The following ZNF12 variants were observed in gnomAD, a reference collection of about 807,000 sequenced individuals.
ZNF12 encodes gonadotropin inducible transcription repressor 3.
In ZNF12, 34 loss-of-function variants were observed where a neutral mutation model predicts 66.6. The ratio of observed to expected loss-of-function variants is 0.51; its 90% CI spans 0.39 to 0.68. ZNF12 has a LOEUF of 0.68. ZNF12 is among the 30% of genes least tolerant of loss of function. The pLI is 0.00. For missense variants in ZNF12, 697 were observed against 826.9 expected (o/e 0.84, Z 1.93); for synonymous variants, 320 against 278.9 (o/e 1.15, Z -1.47).
intron 2 of ZNF12, among the ~76,000 whole-genome samples, chr7:6,702,375 C>G (rs1273117007): frequency 6.7e-6 from 1 of 150,328 alleles, no homozygotes; most frequent in Non-Finnish European, 1.5e-5. Context: ...GATTCATCTC[C>G]CAAACTCCAC....
intron 2 of ZNF12, among the ~76,000 whole-genome samples, chr7:6,699,899 A>T (rs986702303): frequency 1.3e-5 from 2 of 152,228 alleles, no homozygotes; most frequent in Admixed American, 1.3e-4. Flanking sequence ...TATATCTATG[A>T]CTACAATAAG....
At position 6,692,591 on chromosome 7, in the gene ZNF12, A is replaced by G. The variant is rs1780090508; in HGVS notation, c.351T>C (p.Pro117=). ...TCGTTTCTACATCAAAAGTTTTACC[A>G]GGAACATTACCTCTCTCTTCAATCA... is the stretch of plus-strand genomic sequence containing the variant. ...ETLIEERGNV[P]GKTFDVETNP... Residue 117 remains proline, a synonymous_variant, in exon 5 of 5, where the codon CCT becomes CCC. Transcript: ENST00000405858. The surrounding 1 kb of genome is among the most constrained non-coding windows in gnomAD (Gnocchi z 5.1). 1 of 1,613,802 alleles carries G rather than the reference A, an allele frequency of 6.2e-7. No homozygotes were observed. The highest frequency in any genetic ancestry group is 1.3e-5 in the African/African-American group (1 of 74,936).
chr7:6,701,421 C>G (rs771824472), intron 2 of ZNF12, among the ~76,000 whole-genome samples: 4 of 152,156 alleles, frequency 2.6e-5, no homozygotes, highest in Non-Finnish European at 5.9e-5. Flanking sequence ...CCTGAAGCCC[C>G]AGAACAGCAG....
In ZNF12 at chr7:6,698,424, C is replaced by A. The variant is rs1354721083; in HGVS notation, c.16-613G>T. 3.3e-5 allele frequency among the ~76,000 whole-genome samples: 5 copies of A among 152,154 alleles called. No homozygotes were observed. The highest frequency in any genetic ancestry group is 2.6e-4 in the Admixed American group (4 of 15,278). ...CAGTCCAGGCCTCTCTCCTAAATTC[C>A]AGACACATATGTCCCAGATGGCAAA... On this transcript the variant is annotated intron_variant, in intron 2 of 4. Coordinates refer to ENST00000405858, the MANE Select transcript of ZNF12 (RefSeq NM_016265.4). The surrounding 1 kb of genome is among the most constrained non-coding windows in gnomAD (Gnocchi z 4.4).
rs6952107 is a variant in ZNF12, at chr7:6,706,848, C to T, written c.-467G>A. 427 of 363,234 alleles carry T rather than the reference C, an allele frequency of 1.2e-3. 1 individual carries two copies. The highest frequency in any genetic ancestry group is 8.9e-3 in the African/African-American group (394 of 44,304). The allele number at this position is 363,234 out of a possible 1,614,324, so 22.5% of individuals were successfully genotyped here. A position where few individuals can be genotyped will look rare whatever the true frequency, so the allele number is the denominator to read the frequency against. On this transcript the variant is annotated 5_prime_UTR_variant, in exon 1 of 5. Coordinates refer to ENST00000405858, the MANE Select transcript of ZNF12 (RefSeq NM_016265.4). ...CTTGGGTGCCGGCCCGGCTCTTCGG[C>T]GCCCAGCCCCGCAGGCTCCGCGATT...
At chr7:6,702,392 AC>A (rs1780263553) in intron 2 of ZNF12, among the ~76,000 whole-genome samples, 1 of 147,394 alleles carries the variant, frequency 6.8e-6, no homozygotes, top group African/African-American at 2.6e-5. Flanking sequence ...CCACACACAC[AC>A]ACACAACCAG....
intron 4 of ZNF12, among the ~76,000 whole-genome samples, chr7:6,693,092 G>A (rs1243226156): frequency 6.6e-6 from 1 of 152,236 alleles, no homozygotes; most frequent in African/African-American, 2.4e-5. Context: ...GTTGGACAAG[G>A]AGGGTCATAA....
At chr7:6,700,536 T>C (rs953304241) in intron 2 of ZNF12, among the ~76,000 whole-genome samples, 1 of 152,278 alleles carries the variant, frequency 6.6e-6, no homozygotes, top group Admixed American at 6.5e-5. Flanking sequence ...CTGTCTAGCA[T>C]CTCAGCTAGA....
At chr7:6,703,843 G>C (rs1454808648) in intron 2 of ZNF12, among the ~76,000 whole-genome samples, 1 of 152,248 alleles carries the variant, frequency 6.6e-6, no homozygotes, top group African/African-American at 2.4e-5. Flanking sequence ...GCAAACTGCA[G>C]AGTGGGCCAA....
rs1780170130 is a variant in ZNF12, at chr7:6,697,394, C to T, written c.183G>A (p.Glu61=). 4 of 1,612,474 alleles carry T rather than the reference C, an allele frequency of 2.5e-6. No individual in the cohort carries two copies. Among genetic ancestry groups the T allele is most frequent in the South Asian group, 2.2e-5 (2 of 90,674 alleles). The change falls in exon 4 of 5, where the codon GAG becomes GAA. Residue 61 remains glutamate, a synonymous_variant. Transcript: ENST00000405858. This position sits in a 1 kb window ranked among gnomAD's most constrained non-coding sequence, Gnocchi z 6.1. ...IIKPDVISKL[E]QGEEPWIVEG... ...CTACTATCCATGGCTCTTCTCCTTG[C>T]TCCAACTTGCTGATAACATCCGGTT... is the stretch of plus-strand genomic sequence containing the variant.
At chr7:6,699,265 C>T (rs910068763) in intron 2 of ZNF12, among the ~76,000 whole-genome samples, 6 of 152,202 alleles carry the variant, frequency 3.9e-5, no homozygotes, top group Non-Finnish European at 5.9e-5. Context: ...CTGATGTTGA[C>T]TGAACACCTT....
intron 4 of ZNF12, among the ~76,000 whole-genome samples, chr7:6,695,400 T>C (rs1366923269): frequency 1.3e-5 from 2 of 152,176 alleles, no homozygotes; most frequent in Admixed American, 6.5e-5. Flanking sequence ...TTTCTTTTTT[T>C]TGTAGAGACA....
intron 4 of ZNF12, among the ~76,000 whole-genome samples, chr7:6,693,285 A>T (rs559195906): frequency 6.6e-6 from 1 of 152,220 alleles, no homozygotes; most frequent in African/African-American, 2.4e-5. Context: ...CTCATTCCAC[A>T]TAGTAGAATA....
Position 6,700,202 on chromosome 7 carries a change from G to A in ZNF12, c.16-2391C>T, listed in dbSNP as rs569111849. ...CGGGAGGCTGAGGCAGGAAAATGGC[G>A]TGAACCCGGGAGGTGGAGCTTGCAG... is the stretch of plus-strand genomic sequence containing the variant. On this transcript the variant is annotated intron_variant, in intron 2 of 4. Transcript: ENST00000405858. Among the ~76,000 whole-genome samples, 220 of 151,476 alleles carry A rather than the reference G, an allele frequency of 1.5e-3. 1 individual carries two copies. The highest frequency in any genetic ancestry group is 5.0e-3 in the African/African-American group (206 of 41,236).
rs1408015883 is a variant in ZNF12, at chr7:6,691,426, A to T, written c.1516T>A (p.Ser506Thr). 1 of 1,614,030 alleles carries T rather than the reference A, an allele frequency of 6.2e-7. No homozygotes were observed. The highest frequency in any genetic ancestry group is 8.5e-7 in the Non-Finnish European group (1 of 1,179,942). Residue 506 changes from serine (S) to threonine (T), a missense_variant, in exon 5 of 5, where the codon TCA becomes ACA. Physicochemically the swap from Ser to Thr is moderately conservative, Grantham distance 58. Transcript: ENST00000405858. Reference protein sequence around the residue: ...NECGKLFSQLSYLTIHHRTHS... With the variant: ...NECGKLFSQLTYLTIHHRTHS... ...GTTCTATGATGGATAGTGAGGTATG[A>T]CAACTGGGAGAATAACTTTCCACAT...
Position 6,692,080 on chromosome 7 carries a change from G to C in ZNF12, c.862C>G (p.Gln288Glu). The change falls in exon 5 of 5, where the codon CAG (glutamine) becomes GAG (glutamate). Residue 288 changes from glutamine (Q) to glutamate (E), a missense_variant. Around this residue, in one of 3 missense-constraint regions of ZNF12, gnomAD observed 401 missense variants for 519.0 expected, o/e 0.77. Coordinates refer to ENST00000405858, the MANE Select transcript of ZNF12 (RefSeq NM_016265.4). This position sits in a 1 kb window ranked among gnomAD's most constrained non-coding sequence, Gnocchi z 5.1. ...GGTTTCTCTCCTGTGTGAGTCCTCT[G>C]ATGTATAATAAATTTTGACTTTTTA... Reference protein sequence around the residue: ...FCKKSKFIIHQRTHTGEKPYE... With the variant: ...FCKKSKFIIHERTHTGEKPYE... 1 of 1,614,108 alleles carries C rather than the reference G, an allele frequency of 6.2e-7. No homozygotes were observed. Among genetic ancestry groups the C allele is most frequent in the Non-Finnish European group, 8.5e-7 (1 of 1,179,996 alleles).
In ZNF12 at chr7:6,706,579, G is replaced by C. The variant is rs540993340; in HGVS notation, c.-198C>G. 4.3e-6 allele frequency: 2 copies of C among 461,084 alleles called. No individual in the cohort carries two copies. Among genetic ancestry groups the C allele is most frequent in the Non-Finnish European group, 8.7e-6 (2 of 230,840 alleles). The allele number at this position is 461,084 out of a possible 1,614,324, so 28.6% of individuals were successfully genotyped here. A position where few individuals can be genotyped will look rare whatever the true frequency, so the allele number is the denominator to read the frequency against. The stretch of plus-strand genomic sequence containing the variant: ...CAGAGGGGCCCGGGCCGGGCCTACG[G>C]GACAAATCCAGGCGGGGCGTCCCTC... On this transcript the variant is annotated 5_prime_UTR_variant, in exon 1 of 5. Transcript: ENST00000405858.
chr7:6,704,431 T>G (rs1031070452), intron 2 of ZNF12: 9 of 151,296 alleles, frequency 5.9e-5, no homozygotes, highest in African/African-American at 1.9e-4. Flanking sequence ...ATGTTTTAGT[T>G]ACTAGAAATA....
rs535070665 is a variant in ZNF12 at position 6,692,225 on chromosome 7, C to G, written c.717G>C (p.Lys239Asn). The change falls in exon 5 of 5, where the codon AAG (lysine) becomes AAC (asparagine). Residue 239 changes from lysine (K) to asparagine (N), a missense_variant. By Grantham distance (94) the Lys-to-Asn change is moderately conservative. Transcript: ENST00000405858. This position sits in a 1 kb window ranked among gnomAD's most constrained non-coding sequence, Gnocchi z 5.1. Reference protein sequence around the residue: ...DTVFVNHMEEKPYKWNGSEIA... With the variant: ...DTVFVNHMEENPYKWNGSEIA... ...TTTCAGATCCATTCCACTTATAGGG[C>G]TTTTCTTCCATGTGATTAACAAAAA... 8 of 1,613,942 alleles carry G rather than the reference C, an allele frequency of 5.0e-6. No individual in the cohort carries two copies. In the East Asian group the frequency reaches 1.6e-4, roughly 31 times the overall value.
Sources: allele counts gnomAD v4.1 joint callset (sites outside exome capture counted in the v4.1 genomes callset), GRCh38; gene constraint gnomAD v4.1.1; regional missense constraint gnomAD v4.1.1; non-coding constraint Gnocchi (gnomAD v3.1); transcripts MANE v1.5; gene names NCBI Gene and HGNC (gene_info 2026-07-23, HGNC 2026-07-21).